The following RGS22 variants were observed in gnomAD, a reference collection of about 807,000 sequenced individuals.
RGS22 encodes regulator of G-protein signaling 22.
Under a neutral mutation model 172.9 loss-of-function variants are expected in RGS22, and 148 were observed. The ratio of observed to expected loss-of-function variants is 0.86; its 90% confidence interval spans 0.75 to 0.98. The LOEUF is 0.98. RGS22 is among the 50% of genes least tolerant of loss of function. RGS22 has a pLI of 0.00. For synonymous variants in RGS22, 458 were observed against 480.2 expected, an observed-to-expected ratio of 0.95 and a Z score of 0.60; for missense variants, 1,347 against 1,440.8, an observed-to-expected ratio of 0.93 and a Z score of 1.05.
intron 3 of RGS22, among the ~76,000 whole-genome samples, chr8:100,084,745 T>C (rs1299231890): frequency 6.6e-6 from 1 of 152,200 alleles, no homozygotes; most frequent in Non-Finnish European, 1.5e-5. Context: ...ATTTTACCAA[T>C]AGCAAAATGT....
intron 24 of RGS22, 45 bp from the exon 25 acceptor site, chr8:99,963,023 AG>A: frequency 6.8e-7 from 1 of 1,470,656 alleles, no homozygotes; most frequent in East Asian, 2.3e-5. Context: ...TGTTTGCTTT[AG>A]GAAATAAACT....
chr8:100,075,042 T>C (rs1423577257), intron 4 of RGS22, among the ~76,000 whole-genome samples: 1 of 152,222 alleles, frequency 6.6e-6, no homozygotes, highest in Non-Finnish European at 1.5e-5. Flanking sequence ...AGTGCTGGGA[T>C]TACAGGTGTG....
intron 14 of RGS22, among the ~76,000 whole-genome samples, chr8:100,011,791 A>G (rs1490471059): frequency 6.6e-6 from 1 of 152,226 alleles, no homozygotes; most frequent in Non-Finnish European, 1.5e-5. Context: ...GTTATAAATC[A>G]GCAGACAAAA....
chr8:99,973,874 A>C (rs1188586481), intron 23 of RGS22, among the ~76,000 whole-genome samples: 8 of 151,816 alleles, frequency 5.3e-5, no homozygotes, highest in African/African-American at 9.7e-5. Flanking sequence ...ATCTCAAAAA[A>C]AAAAAAAACA....
At chr8:100,018,494 T>C (rs993965608) in intron 14 of RGS22, among the ~76,000 whole-genome samples, 2 of 152,190 alleles carry the variant, frequency 1.3e-5, no homozygotes, top group African/African-American at 4.8e-5. Flanking sequence ...AATGTTTTGC[T>C]TTCTAAATAG....
At position 99,962,756 on chromosome 8, in the gene RGS22, GA is replaced by G. The variant is rs1810343607; in HGVS notation, c.3720del (p.Leu1241SerfsTer13). On this transcript the variant is annotated frameshift_variant, in exon 26 of 28. Transcript: ENST00000360863. LOFTEE classifies it high-confidence loss of function. ...LEKKLFAGLQ[P>X]LTNFKASSST... The stretch of plus-strand genomic sequence containing the variant: ...GAAGAGCTAGCCTTAAAATTTGTGA[GA>G]GGTTGCAAGCCTGCACAAAAATAAA... 1 of 1,611,278 alleles carries G rather than the reference GA, an allele frequency of 6.2e-7. No individual in the cohort carries two copies. Among genetic ancestry groups the G allele is most frequent in the Non-Finnish European group, 8.5e-7 (1 of 1,179,254 alleles).
intron 4 of RGS22, among the ~76,000 whole-genome samples, chr8:100,073,359 C>T (rs749529047): frequency 8.6e-5 from 13 of 151,596 alleles, no homozygotes; most frequent in South Asian, 2.1e-4. Flanking sequence ...ATTGCTGATA[C>T]GCGCAGAAGT....
At chr8:100,105,129 G>C (rs1813820776) in intron 2 of RGS22, among the ~76,000 whole-genome samples, 1 of 152,138 alleles carries the variant, frequency 6.6e-6, no homozygotes, top group East Asian at 1.9e-4. Context: ...AATTAAATGA[G>C]GCCATTTATG....
In RGS22 at chr8:100,072,160, C is replaced by T; in HGVS notation, c.410G>A (p.Cys137Tyr). 1 of 1,592,924 alleles carries T rather than the reference C, an allele frequency of 6.3e-7. No individual in the cohort carries two copies. The highest frequency in any genetic ancestry group is 8.6e-7 in the Non-Finnish European group (1 of 1,166,034). Residue 137 changes from cysteine to tyrosine, a missense_variant, in exon 5 of 28, where the codon TGT becomes TAT. Transcript: ENST00000360863. ...ACTATAGTACCTGTATTCAAAGTAA[C>T]AATCACTTTCCAGAAATGCTGGAAG... Reference protein sequence around the residue: ...ERLPAFLESDCYFEYRLAKLV... With the variant: ...ERLPAFLESDYYFEYRLAKLV...
chr8:100,099,160 C>T (rs556139448), intron 2 of RGS22, among the ~76,000 whole-genome samples: 3 of 152,104 alleles, frequency 2.0e-5, no homozygotes, highest in African/African-American at 7.2e-5. Context: ...ATGATCCACC[C>T]GCCTCGGCCT....
At chr8:100,038,580 A>C (rs1420765946) in intron 14 of RGS22, 8 of 170,518 alleles carry the variant, frequency 4.7e-5, no homozygotes, top group Admixed American at 2.4e-4. Flanking sequence ...GTTCCCCATC[A>C]CTTCAATGAT....
intron 2 of RGS22, among the ~76,000 whole-genome samples, chr8:100,098,916 ATTTTATTTTAT>A (rs1813243111): frequency 8.0e-6 from 1 of 124,288 alleles, no homozygotes; most frequent in African/African-American, 3.1e-5. Context: ...ATTTTATTTT[ATTTTATTTTAT>A]TTATTTTTTA....
chr8:100,104,363 T>TGTGTGTA (rs1231144915), intron 2 of RGS22, among the ~76,000 whole-genome samples: 2 of 124,456 alleles, frequency 1.6e-5, no homozygotes, highest in Admixed American at 7.5e-5. Context: ...TGTGTGTGTA[T>TGTGTGTA]TTTTTTTTTT....
intron 2 of RGS22, among the ~76,000 whole-genome samples, chr8:100,102,028 C>T (rs1241271084): frequency 6.6e-6 from 1 of 152,172 alleles, no homozygotes; most frequent in Non-Finnish European, 1.5e-5. Context: ...CTCAAGATGC[C>T]ACATCCATCT....
At chr8:100,049,691 A>C (rs1416012543) in intron 10 of RGS22, among the ~76,000 whole-genome samples, 1 of 152,176 alleles carries the variant, frequency 6.6e-6, no homozygotes, top group Non-Finnish European at 1.5e-5. Context: ...ACTAAAGTAC[A>C]TTAACTTAAA....
intron 22 of RGS22, among the ~76,000 whole-genome samples, chr8:99,979,216 T>C (rs892592483): frequency 1.3e-5 from 2 of 152,168 alleles, no homozygotes; most frequent in Admixed American, 6.6e-5. Context: ...GCTTAAATAC[T>C]CCTCCTCCTC....
chr8:100,015,456 C>G (rs3101326), intron 14 of RGS22, among the ~76,000 whole-genome samples: 2,632 of 152,142 alleles, frequency 0.017, 79 homozygotes, highest in East Asian at 0.11. Context: ...CCACGCCAGG[C>G]TAATTTTTGT....
At chr8:100,071,344 C>A in intron 6 of RGS22, 25 bp downstream of exon 6, 1 of 1,567,028 alleles carries the variant, frequency 6.4e-7, no homozygotes, top group South Asian at 1.2e-5. Flanking sequence ...AGCGCTAAGT[C>A]ATGAAAAAAT....
intron 17 of RGS22, chr8:100,002,924 G>A (rs1330979455): frequency 1.3e-5 from 2 of 154,490 alleles, no homozygotes; most frequent in South Asian, 3.9e-4. Context: ...GCTGGGCGTG[G>A]TGGCACATGC....
Sources: gnomAD v4.1 joint callset for allele counts (sites outside exome capture counted in the v4.1 genomes callset) on GRCh38, gnomAD v4.1.1 for gene constraint, MANE v1.5 for transcripts, NCBI Gene and HGNC (gene_info 2026-07-23, HGNC 2026-07-21) for gene names.